CCDC158: variants seen among roughly 807,000 people sequenced by gnomAD.
CCDC158 encodes coiled-coil domain containing 158.
In CCDC158, 116 loss-of-function variants were observed where a neutral mutation model predicts 138.6. The ratio of observed to expected loss-of-function variants is 0.84; its 90% CI spans 0.72 to 0.98. CCDC158 has a LOEUF of 0.98. CCDC158 is among the 50% of genes least tolerant of loss of function. The pLI, the probability that CCDC158 is intolerant of heterozygous loss-of-function variation, is 0.00. For synonymous variants in CCDC158, 436 were observed against 442.4 expected (o/e 0.99, Z 0.18); for missense variants, 1,265 against 1,306.1 (o/e 0.97, Z 0.48).
At chr4:76,322,694 G>A (rs1578859730) in intron 24 of CCDC158, among the ~76,000 whole-genome samples, 2 of 152,098 alleles carry the variant, frequency 1.3e-5, no homozygotes, top group African/African-American at 2.4e-5. Context: ...TCATGAAGGC[G>A]GGTTATAAAA....
intron 3 of CCDC158, among the ~76,000 whole-genome samples, chr4:76,398,911 A>G (rs1346915601): frequency 6.6e-6 from 1 of 152,122 alleles, no homozygotes; most frequent in Non-Finnish European, 1.5e-5. Flanking sequence ...ACAATTCATG[A>G]TCTTTGATTT....
intron 8 of CCDC158, among the ~76,000 whole-genome samples, 199 bp downstream of exon 8, chr4:76,382,411 C>G (rs1415331692): frequency 6.6e-6 from 1 of 152,080 alleles, no homozygotes; most frequent in African/African-American, 2.4e-5. Context: ...GCCCCAAATA[C>G]TTGCAAAAAT....
chr4:76,316,583 G>C (rs911447962), intron 24 of CCDC158, among the ~76,000 whole-genome samples: 1 of 152,046 alleles, frequency 6.6e-6, no homozygotes, highest in African/African-American at 2.4e-5. Context: ...TAGTGATCTA[G>C]ACATTCAAAT....
intron 18 of CCDC158, chr4:76,344,858 A>T: frequency 6.3e-7 from 1 of 1,580,890 alleles, no homozygotes; most frequent in Admixed American, 1.7e-5. Context: ...CCAAAGAAGA[A>T]TTTGCCAAGA....
chr4:76,354,585 T>G (rs1723360591), intron 15 of CCDC158, among the ~76,000 whole-genome samples: 1 of 152,194 alleles, frequency 6.6e-6, no homozygotes, highest in South Asian at 2.1e-4. Flanking sequence ...TCATGGTTGC[T>G]TATTCGTGAA....
chr4:76,328,621 C>T (rs1319880623), intron 22 of CCDC158, among the ~76,000 whole-genome samples: 1 of 152,128 alleles, frequency 6.6e-6, no homozygotes, highest in Non-Finnish European at 1.5e-5. Flanking sequence ...CAATTAAGTC[C>T]CACTGGGAAA....
chr4:76,369,946 G>A (rs78074595), intron 10 of CCDC158, among the ~76,000 whole-genome samples: 4,476 of 151,962 alleles, frequency 0.029, 223 homozygotes, highest in African/African-American at 0.1. Flanking sequence ...TCTCACATCA[G>A]GTATGCTCCT....
At chr4:76,314,312 A>T (rs1046938367) in intron 24 of CCDC158, among the ~76,000 whole-genome samples, 4 of 152,252 alleles carry the variant, frequency 2.6e-5, no homozygotes, top group African/African-American at 9.6e-5. Flanking sequence ...AATAGGATCA[A>T]TAAGATAATG....
At chr4:76,364,444 G>GT (rs1158532917) in intron 12 of CCDC158, among the ~76,000 whole-genome samples, 1 of 152,186 alleles carries the variant, frequency 6.6e-6, no homozygotes, top group East Asian at 1.9e-4. Context: ...GTTATGTGCT[G>GT]TAAGTGTGAA....
intron 1 of CCDC158, among the ~76,000 whole-genome samples, chr4:76,417,808 C>T (rs1729817047): frequency 6.6e-6 from 1 of 152,056 alleles, no homozygotes; most frequent in African/African-American, 2.4e-5. Context: ...CTCACAGTGG[C>T]CAGGGATAAC....
At chr4:76,388,131 G>T (rs1726990789) in intron 4 of CCDC158, among the ~76,000 whole-genome samples, 1 of 152,168 alleles carries the variant, frequency 6.6e-6, no homozygotes, top group South Asian at 2.1e-4. Flanking sequence ...GGCTTCCGGG[G>T]TGACCTAGCA....
chr4:76,329,617 C>T (rs1222759850), intron 21 of CCDC158, among the ~76,000 whole-genome samples: 5 of 152,176 alleles, frequency 3.3e-5, no homozygotes, highest in Non-Finnish European at 7.4e-5. Context: ...ACAACAACAA[C>T]TCATAACATT....
At position 76,356,511 on chromosome 4, in the gene CCDC158, G is replaced by C. The variant is rs567997989; in HGVS notation, c.2173+863C>G. ...TGCCCAACAGTGAGGCTGGGTTGCT[G>C]TCTGGGGAGCAGGGGCAGCAGACCC... On this transcript the variant is annotated intron_variant, in intron 14 of 24. Coordinates refer to ENST00000682701, the MANE Select transcript of CCDC158 (RefSeq NM_001394954.1). 13 of 152,148 alleles carry C rather than the reference G, an allele frequency of 8.5e-5. No homozygotes were observed. In the East Asian group the frequency reaches 2.5e-3, roughly 29 times the overall value. The allele number at this position is 152,148 out of a possible 1,614,324, so 9.4% of individuals were successfully genotyped here.
At chr4:76,317,297 T>C (rs963845294) in intron 24 of CCDC158, among the ~76,000 whole-genome samples, 1 of 152,004 alleles carries the variant, frequency 6.6e-6, no homozygotes, top group African/African-American at 2.4e-5. Flanking sequence ...AGATATTCCA[T>C]GCAAATGGAT....
intron 21 of CCDC158, among the ~76,000 whole-genome samples, chr4:76,329,635 T>A (rs1486630986): frequency 6.6e-6 from 1 of 152,134 alleles, no homozygotes; most frequent in African/African-American, 2.4e-5. Flanking sequence ...ATTAGTAGTA[T>A]CAGTGTACAA....
intron 1 of CCDC158, among the ~76,000 whole-genome samples, chr4:76,420,490 T>C (rs1730025399): frequency 6.6e-6 from 1 of 152,192 alleles, no homozygotes; most frequent in Admixed American, 6.5e-5. Context: ...TTGATGCTGA[T>C]AATGAGGGAA....
intron 4 of CCDC158, among the ~76,000 whole-genome samples, chr4:76,389,197 T>G (rs2109800939): frequency 1.3e-5 from 2 of 152,154 alleles, no homozygotes; most frequent in Non-Finnish European, 2.9e-5. Flanking sequence ...TTGAGGAAAT[T>G]CAAGGAAATT....
intron 22 of CCDC158, among the ~76,000 whole-genome samples, chr4:76,328,032 C>A (rs1302089498): frequency 6.6e-6 from 1 of 151,972 alleles, no homozygotes; most frequent in Non-Finnish European, 1.5e-5. Flanking sequence ...TTTTATTTTT[C>A]ATTTTCTAAA....
intron 11 of CCDC158, among the ~76,000 whole-genome samples, chr4:76,369,076 A>T (rs1724972664): frequency 6.6e-6 from 1 of 151,956 alleles, no homozygotes; most frequent in Non-Finnish European, 1.5e-5. Flanking sequence ...TTAGCTGGGC[A>T]TGGTGGCACA....
Sources: gnomAD v4.1 joint callset for allele counts (sites outside exome capture counted in the v4.1 genomes callset) on GRCh38, gnomAD v4.1.1 for gene constraint, MANE v1.5 for transcripts, NCBI Gene and HGNC (gene_info 2026-07-23, HGNC 2026-07-21) for gene names.